The following MGAT5B variants were observed in gnomAD, a reference collection of about 807,000 sequenced individuals.
MGAT5B encodes the protein alpha-1,6-mannosylglycoprotein 6-beta-N-acetylglucosaminyltransferase B.
Under a neutral mutation model 95.1 loss-of-function variants are expected in MGAT5B, and 54 were observed. The ratio of observed to expected loss-of-function variants is 0.57; its 90% CI spans 0.46 to 0.71. The LOEUF (loss-of-function observed/expected upper bound fraction) is 0.71, where lower values mean the gene tolerates loss of function less well. Among genes scored for constraint, MGAT5B ranks in the 30% least tolerant of loss-of-function variants. The pLI, the probability that MGAT5B is intolerant of heterozygous loss-of-function variation, is 0.00. For synonymous variants in MGAT5B, 464 were observed against 451.0 expected, an observed-to-expected ratio of 1.03 and a Z score of -0.36; for missense variants, 935 against 1,088.6, an observed-to-expected ratio of 0.86 and a Z score of 1.99.
intron 2 of MGAT5B, among the ~76,000 whole-genome samples, chr17:76,879,817 TGAAA>T (rs1031975604): frequency 3.3e-5 from 5 of 151,896 alleles, no homozygotes; most frequent in African/African-American, 1.2e-4. Flanking sequence ...TCTGGGAAGC[TGAAA>T]GAGAGAGGGA....
Position 76,947,988 on chromosome 17 carries a change from C to A in MGAT5B, c.2082C>A (p.Ala694=). 3.7e-6 allele frequency: 6 copies of A among 1,612,250 alleles called. No homozygotes were observed. The highest frequency in any genetic ancestry group is 5.1e-6 in the Non-Finnish European group (6 of 1,179,278). The change falls in exon 17 of 18, where the codon GCC becomes GCA. Residue 694 remains alanine, a synonymous_variant. Transcript: ENST00000569840. The part of the protein sequence containing the change: ...PPAHALRAWL[A]VPGRACTDTC... Reference sequence around the variant, plus strand: ...CGCACGCCCTGCGGGCCTGGCTGGCCGTGCCTGGGAGGGCCTGCACCGACA... The same window carrying A: ...CGCACGCCCTGCGGGCCTGGCTGGCAGTGCCTGGGAGGGCCTGCACCGACA...
Position 76,938,281 on chromosome 17 carries a change from A to C in MGAT5B, c.1584+138A>C, listed in dbSNP as rs2145270794. On this transcript the variant is annotated intron_variant, in intron 13 of 17. Coordinates refer to ENST00000569840, the MANE Select transcript of MGAT5B (RefSeq NM_001199172.2). The surrounding 1 kb of genome is among the most constrained non-coding windows in gnomAD (Gnocchi z 4.3). Reference sequence around the variant, plus strand: ...CATGCTCTGCTGCCCTGAGCCCCACATCTGGCCAGAGCCCAGGGGCAGAGA... The same window carrying C: ...CATGCTCTGCTGCCCTGAGCCCCACCTCTGGCCAGAGCCCAGGGGCAGAGA... 1.5e-5 allele frequency: 18 copies of C among 1,167,204 alleles called. No individual in the cohort carries two copies. The highest frequency in any genetic ancestry group is 5.1e-5 in the East Asian group (2 of 39,304). The allele number at this position is 1,167,204 out of a possible 1,614,324, so 72.3% of individuals were successfully genotyped here.
chr17:76,908,140 G>A (rs1447413102), intron 8 of MGAT5B, among the ~76,000 whole-genome samples: 1 of 151,940 alleles, frequency 6.6e-6, no homozygotes, highest in African/African-American at 2.4e-5. Flanking sequence ...GGTTTTTTGG[G>A]GAGTAACAGA....
intron 8 of MGAT5B, among the ~76,000 whole-genome samples, chr17:76,909,098 C>T (rs1042381678): frequency 7.2e-5 from 11 of 152,082 alleles, no homozygotes; most frequent in African/African-American, 2.2e-4. Flanking sequence ...TGAGCCACTG[C>T]GCCCAGCCTC....
Position 76,912,413 on chromosome 17 carries a change from A to T in MGAT5B, c.1025+6226A>T, listed in dbSNP as rs374612152. Among the ~76,000 whole-genome samples the T allele has an allele frequency of 1.9e-4, 29 of 152,218 alleles. 1 individual carries two copies. The highest frequency in any genetic ancestry group is 6.3e-4 in the African/African-American group (26 of 41,538). On this transcript the variant is annotated intron_variant, in intron 8 of 17. Transcript: ENST00000569840. The surrounding 1 kb of genome is among the most constrained non-coding windows in gnomAD (Gnocchi z 5.0). Reference sequence around the variant, plus strand: ...GTTAATTTGAAAACAGGTCAATGGGATGTGAAGGTAATCTGAATTCTGAGT... The same window carrying T: ...GTTAATTTGAAAACAGGTCAATGGGTTGTGAAGGTAATCTGAATTCTGAGT...
At chr17:76,933,110 T>C (rs1969548164) in intron 11 of MGAT5B, among the ~76,000 whole-genome samples, 182 bp from the exon 12 acceptor site, 1 of 152,184 alleles carries the variant, frequency 6.6e-6, no homozygotes, top group South Asian at 2.1e-4. Flanking sequence ...GTGGTCAGGC[T>C]AGACTTGGGA....
chr17:76,946,889 C>T (rs529359854), intron 16 of MGAT5B, among the ~76,000 whole-genome samples: 5 of 152,362 alleles, frequency 3.3e-5, no homozygotes, highest in South Asian at 2.1e-4. Context: ...GACAGCCCCA[C>T]GGTTTCAAAA....
chr17:76,897,702 T>TTTCTTTCC, intron 3 of MGAT5B, among the ~76,000 whole-genome samples: 1 of 114,514 alleles, frequency 8.7e-6, no homozygotes, highest in East Asian at 2.5e-4. Flanking sequence ...TCTTTCTTTC[T>TTTCTTTCC]TTCTTTCTTT....
chr17:76,937,357 A>G (rs1360714846), intron 12 of MGAT5B, among the ~76,000 whole-genome samples: 1 of 152,010 alleles, frequency 6.6e-6, no homozygotes, highest in African/African-American at 2.4e-5. Flanking sequence ...GGATGAGTCG[A>G]TGGGTGGATG....
intron 8 of MGAT5B, among the ~76,000 whole-genome samples, chr17:76,919,177 A>G (rs879501858): frequency 3.3e-5 from 5 of 152,180 alleles, no homozygotes; most frequent in Admixed American, 6.5e-5. Context: ...GGTTTCTTCT[A>G]TTAAGTGAAG....
At position 76,938,110 on chromosome 17, in the gene MGAT5B, G is replaced by A. The variant is rs1379736806; in HGVS notation, c.1551G>A (p.Gln517=). 1 of 1,614,112 alleles carries A rather than the reference G, an allele frequency of 6.2e-7. No homozygotes were observed. The highest frequency in any genetic ancestry group is 8.5e-7 in the Non-Finnish European group (1 of 1,180,048). Residue 517 remains glutamine, a synonymous_variant, in exon 13 of 18, where the codon CAG becomes CAA. Coordinates refer to ENST00000569840, the MANE Select transcript of MGAT5B (RefSeq NM_001199172.2). The surrounding 1 kb of genome is among the most constrained non-coding windows in gnomAD (Gnocchi z 4.3). The part of the protein sequence containing the change: ...AFVKNHGLLP[Q]PEFQQLLRKA... ...TGAAGAACCACGGCCTCTTACCGCAGCCTGAGTTTCAGCAGCTGCTGCGCA... is the reference window on the plus strand; with the variant it reads ...TGAAGAACCACGGCCTCTTACCGCAACCTGAGTTTCAGCAGCTGCTGCGCA...
At position 76,948,637 on chromosome 17, in the gene MGAT5B, C is replaced by A. The variant is rs547999521; in HGVS notation, c.2181-3C>A. ...AGTGACGGTGCTGTGTGGTCCCTGC[C>A]AGGCTGCAGGTGCCCTGTGACAGCA... On this transcript the variant is annotated splice_region_variant and splice_polypyrimidine_tract_variant and intron_variant, in intron 17 of 17. Coordinates refer to ENST00000569840, the MANE Select transcript of MGAT5B (RefSeq NM_001199172.2). 18 of 1,610,064 alleles carry A rather than the reference C, an allele frequency of 1.1e-5. No individual in the cohort carries two copies. The Admixed American group carries it at 2.5e-4, about 23-fold the overall frequency.
At chr17:76,874,624 T>A (rs1967120873) in intron 2 of MGAT5B, among the ~76,000 whole-genome samples, 1 of 151,892 alleles carries the variant, frequency 6.6e-6, no homozygotes, top group Non-Finnish European at 1.5e-5. Flanking sequence ...GAGGTGGGAA[T>A]TAGGGATGGG....
At chr17:76,904,085 G>A (rs1225061802) in intron 5 of MGAT5B, among the ~76,000 whole-genome samples, 167 bp from the exon 6 acceptor site, 3 of 152,228 alleles carry the variant, frequency 2.0e-5, no homozygotes, top group East Asian at 1.9e-4. Flanking sequence ...TCCTTCAGGC[G>A]GGTCCTGGTT....
intron 2 of MGAT5B, among the ~76,000 whole-genome samples, chr17:76,874,253 C>T (rs1967105276): frequency 1.3e-5 from 2 of 152,118 alleles, no homozygotes; most frequent in South Asian, 2.1e-4. Context: ...AGGGAAGGGG[C>T]CTCAGCAGCA....
intron 12 of MGAT5B, among the ~76,000 whole-genome samples, chr17:76,935,111 C>T (rs1017805945): frequency 6.6e-6 from 1 of 152,042 alleles, no homozygotes; most frequent in Non-Finnish European, 1.5e-5. Context: ...TCCCAGGAAG[C>T]GAGGGGTGAA....
In MGAT5B at chr17:76,905,760, A is replaced by G. The variant is rs1968501945; in HGVS notation, c.856-258A>G. Among the ~76,000 whole-genome samples, 1 of 150,726 alleles carries G rather than the reference A, an allele frequency of 6.6e-6. No individual in the cohort carries two copies. The highest frequency in any genetic ancestry group is 1.5e-5 in the Non-Finnish European group (1 of 67,748). ...CTTTCAGAGCCCTTATCATTTCATG[A>G]AATTATCTCTTGTCTGTGTTCACTG... On this transcript the variant is annotated intron_variant, in intron 7 of 17. Coordinates refer to ENST00000569840, the MANE Select transcript of MGAT5B (RefSeq NM_001199172.2). This position sits in a 1 kb window ranked among gnomAD's most constrained non-coding sequence, Gnocchi z 4.2.
At chr17:76,881,152 C>T (rs1967396429) in intron 2 of MGAT5B, among the ~76,000 whole-genome samples, 1 of 152,140 alleles carries the variant, frequency 6.6e-6, no homozygotes, top group African/African-American at 2.4e-5. Flanking sequence ...AAAAGGAAGG[C>T]GAGAACTCGC....
At chr17:76,888,661 G>T (rs1967754580) in intron 3 of MGAT5B, among the ~76,000 whole-genome samples, 1 of 152,184 alleles carries the variant, frequency 6.6e-6, no homozygotes, top group Non-Finnish European at 1.5e-5. Context: ...ACCAGAATCA[G>T]TGATTACCTC....
Sources: gnomAD v4.1 joint callset for allele counts (sites outside exome capture counted in the v4.1 genomes callset) on GRCh38, gnomAD v4.1.1 for gene constraint, Gnocchi (gnomAD v3.1) non-coding constraint, MANE v1.5 for transcripts, NCBI Gene and HGNC (gene_info 2026-07-23, HGNC 2026-07-21) for gene names.